The following PRICKLE1 variants were observed in gnomAD, a reference collection of about 807,000 sequenced individuals.
The protein encoded by PRICKLE1 is prickle planar cell polarity protein 1, also known as prickle-like protein 1.
PRICKLE1 carries 14 observed loss-of-function variants against 70.2 expected under a neutral mutation model. The ratio of observed to expected loss-of-function variants is 0.20; its 90% CI spans 0.13 to 0.31. The LOEUF (loss-of-function observed/expected upper bound fraction) is 0.31. Ranked by LOEUF, PRICKLE1 falls within the 10% of genes least tolerant of loss-of-function variation. The pLI is 1.00. For synonymous variants in PRICKLE1, 357 were observed against 379.9 expected (o/e 0.94, Z 0.70); for missense variants, 821 against 1,026.2 (o/e 0.80, Z 2.73).
At chr12:42,579,845 T>C (rs1940869537) in intron 1 of PRICKLE1, among the ~76,000 whole-genome samples, 1 of 114,516 alleles carries the variant, frequency 8.7e-6, no homozygotes. Context: ...GTCTTCTTTA[T>C]TATTATTATT....
chr12:42,460,102 C>T lies in PRICKLE1; in HGVS notation c.2203G>A (p.Ala735Thr), dbSNP rs1937751880. The T allele has an allele frequency of 5.6e-6, 9 of 1,613,936 alleles. No individual in the cohort carries two copies. The highest frequency in any genetic ancestry group is 1.6e-4 in the Middle Eastern group (1 of 6,062). ...AGGCCATAATCGGAAGTGGCATGGG[C>T]GTACTGTCCGTAGAGATCAGCATTC... Reference protein sequence around the residue: ...IQNADLYGQYAHATSDYGLQN... With the variant: ...IQNADLYGQYTHATSDYGLQN... Residue 735 changes from alanine to threonine, a missense_variant, in exon 8 of 8, where the codon GCC becomes ACC. Physicochemically the swap from Ala to Thr is moderately conservative, Grantham distance 58. Transcript: ENST00000345127.
chr12:42,465,212 G>A lies in PRICKLE1; in HGVS notation c.822C>T (p.Ala274=). 6.2e-7 allele frequency: 1 copy of A among 1,613,304 alleles called. No homozygotes were observed. The highest frequency in any genetic ancestry group is 8.5e-7 in the Non-Finnish European group (1 of 1,179,798). The change falls in exon 7 of 8, where the codon GCC becomes GCT. Residue 274 remains alanine, a synonymous_variant. Coordinates refer to ENST00000345127, the MANE Select transcript of PRICKLE1 (RefSeq NM_153026.3). ...QMTYDGQHWH[A]TEACFSCAQC... is the part of the protein sequence containing the mutation. ...GGGCACAAGAAAAGCAGGCTTCCGTGGCGTGCCAGTGCTGCCCGTCATAGG... is the reference window on the plus strand; with the variant it reads ...GGGCACAAGAAAAGCAGGCTTCCGTAGCGTGCCAGTGCTGCCCGTCATAGG...
intron 1 of PRICKLE1, among the ~76,000 whole-genome samples, chr12:42,501,884 A>G (rs1939317575): frequency 6.6e-6 from 1 of 152,194 alleles, no homozygotes; most frequent in Admixed American, 6.5e-5. Flanking sequence ...ATAATTCAAG[A>G]CAACTGCTAG....
intron 1 of PRICKLE1, among the ~76,000 whole-genome samples, chr12:42,558,562 T>TC (rs1940451051): frequency 6.6e-6 from 1 of 152,110 alleles, no homozygotes; most frequent in South Asian, 2.1e-4. Flanking sequence ...CTTGCCTGGG[T>TC]CCCCCAGCTG....
intron 1 of PRICKLE1, chr12:42,550,194 A>G (rs1256030889): frequency 1.3e-5 from 2 of 152,294 alleles, no homozygotes; most frequent in Non-Finnish European, 2.9e-5. Flanking sequence ...TCTGTTGAGT[A>G]TAGTGGCACA....
chr12:42,520,321 G>A (rs971224611), intron 1 of PRICKLE1, among the ~76,000 whole-genome samples: 13 of 152,190 alleles, frequency 8.5e-5, no homozygotes, highest in African/African-American at 2.7e-4. Context: ...ATGTAAGACC[G>A]TGGTGGTCAA....
chr12:42,564,472 G>A (rs776912183), intron 1 of PRICKLE1, among the ~76,000 whole-genome samples: 3 of 151,936 alleles, frequency 2.0e-5, no homozygotes, highest in Non-Finnish European at 4.4e-5. Flanking sequence ...GTCAGGCGTG[G>A]TGGCGGGCAC....
At chr12:42,542,004 TC>T (rs11295718) in intron 1 of PRICKLE1, among the ~76,000 whole-genome samples, 131,673 of 152,158 alleles carry the variant, frequency 0.87, 57,046 homozygotes, top group East Asian at 1. Context: ...TAGAACTCAC[TC>T]CGAACATAGT....
intron 1 of PRICKLE1, among the ~76,000 whole-genome samples, chr12:42,502,251 A>C (rs1341581210): frequency 6.7e-6 from 1 of 148,912 alleles, no homozygotes; most frequent in African/African-American, 2.5e-5. Flanking sequence ...ATATATACAC[A>C]CCTATATATA....
In PRICKLE1 at chr12:42,557,874, G is replaced by A. The variant is rs576777805; in HGVS notation, c.-49+31591C>T. Among the ~76,000 whole-genome samples, 4 of 152,274 alleles carry A rather than the reference G, an allele frequency of 2.6e-5. No homozygotes were observed. The South Asian group carries it at 8.3e-4, about 32-fold the overall frequency. On this transcript the variant is annotated intron_variant, in intron 1 of 7. Transcript: ENST00000345127. ...TCATCACAATCTTTTCAATCAAAAA[G>A]TGAACAGCTTTGACATTTTAAAATA...
chr12:42,534,042 T>C (rs536090479), intron 1 of PRICKLE1, among the ~76,000 whole-genome samples: 1 of 152,310 alleles, frequency 6.6e-6, no homozygotes, highest in South Asian at 2.1e-4. Flanking sequence ...ATTTATTTTA[T>C]TGAGAAATAA....
At chr12:42,495,401 AGAG>A (rs1308109156) in intron 1 of PRICKLE1, among the ~76,000 whole-genome samples, 2 of 128,166 alleles carry the variant, frequency 1.6e-5, no homozygotes, top group East Asian at 2.6e-4. Context: ...AAAAAAAAAA[AGAG>A]AGAGAGAGAG....
chr12:42,459,027 C>T lies in PRICKLE1; in HGVS notation c.*782G>A. On this transcript the variant is annotated 3_prime_UTR_variant, in exon 8 of 8. Transcript: ENST00000345127. ...CATCACTAGGCAATGTAAATTTGAC[C>T]ATCTACATTTATAAACCCTGACTAA... 8.4e-6 allele frequency: 3 copies of T among 357,398 alleles called. No individual in the cohort carries two copies. Among genetic ancestry groups the T allele is most frequent in the Non-Finnish European group, 1.5e-5 (3 of 197,048 alleles). The allele number at this position is 357,398 out of a possible 1,614,324, so 22.1% of individuals were successfully genotyped here.
intron 1 of PRICKLE1, chr12:42,584,561 A>G (rs1311384134): frequency 6.6e-6 from 1 of 152,176 alleles, no homozygotes; most frequent in Non-Finnish European, 1.5e-5. Context: ...AAAGGCAACA[A>G]AAATGGGGGG....
intron 1 of PRICKLE1, among the ~76,000 whole-genome samples, chr12:42,489,049 G>A (rs1939041841): frequency 1.3e-5 from 2 of 151,376 alleles, no homozygotes; most frequent in African/African-American, 2.4e-5. Flanking sequence ...TCAGCCTCCT[G>A]AGTAGCTGGG....
intron 1 of PRICKLE1, among the ~76,000 whole-genome samples, chr12:42,502,836 C>T (rs187800885): frequency 1.4e-4 from 21 of 152,248 alleles, no homozygotes; most frequent in African/African-American, 4.8e-4. Context: ...CTAAGAAGAG[C>T]AACGAATGTA....
intron 1 of PRICKLE1, among the ~76,000 whole-genome samples, chr12:42,534,628 C>T (rs1939986769): frequency 6.6e-6 from 1 of 152,136 alleles, no homozygotes; most frequent in Non-Finnish European, 1.5e-5. Context: ...TTGTCTAAGG[C>T]AGCATGCCTT....
Position 42,468,805 on chromosome 12 carries a change from C to T in PRICKLE1, c.409G>A (p.Glu137Lys). 1 of 1,614,140 alleles carries T rather than the reference C, an allele frequency of 6.2e-7. No homozygotes were observed. The highest frequency in any genetic ancestry group is 1.6e-4 in the Middle Eastern group (1 of 6,062). The change falls in exon 5 of 8, where the codon GAA becomes AAA. Residue 137 changes from glutamate (E) to lysine (K), a missense_variant. Transcript: ENST00000345127. ...EQCGLKINGGEVAVFASRAGP... is the reference protein window; with the variant it reads ...EQCGLKINGGKVAVFASRAGP... ...GCACGGGAGGCGAACACTGCAACTT[C>T]ACCTCCATTTATCTTCAAACCACAC...
rs375049130 is a variant in PRICKLE1, at chr12:42,492,862, C to T, written c.-48-20298G>A. 6.2e-4 allele frequency among the ~76,000 whole-genome samples: 94 copies of T among 152,204 alleles called. 2 individuals carry two copies. In the South Asian group the frequency reaches 0.013, roughly 21 times the overall value. On this transcript the variant is annotated intron_variant, in intron 1 of 7. Coordinates refer to ENST00000345127, the MANE Select transcript of PRICKLE1 (RefSeq NM_153026.3). ...TTTGTTTAATGATATATCCAAAGTG[C>T]TGAGATACTCTGGCCTGGTACATTA...
Sources: gnomAD v4.1 joint callset for allele counts (sites outside exome capture counted in the v4.1 genomes callset) on GRCh38, gnomAD v4.1.1 for gene constraint, MANE v1.5 for transcripts, NCBI Gene and HGNC (gene_info 2026-07-23, HGNC 2026-07-21) for gene names.